The following YIPF6 variants were observed in gnomAD, a reference collection of about 807,000 sequenced individuals.
YIPF6 encodes protein YIPF6.
A neutral mutation model predicts 16.8 loss-of-function variants in YIPF6; 3 were observed. That is an observed-to-expected ratio of 0.18 (90% CI 0.08 to 0.46). YIPF6 has a LOEUF of 0.46. Among genes scored for constraint, YIPF6 ranks in the 20% least tolerant of loss-of-function variants. The pLI is 0.98. For synonymous variants in YIPF6, 67 were observed against 61.9 expected, an observed-to-expected ratio of 1.08 and a Z score of -0.38; for missense variants, 145 against 184.9, an observed-to-expected ratio of 0.78 and a Z score of 1.25.
rs147712825 is a variant in YIPF6 at position 68,505,880 on chromosome X, G to A, written c.58-5969G>A. ...AATGCTAACGTTGTACATAAGCATA[G>A]TACACTGATAAGAACCAAGAAATTA... On this transcript the variant is annotated intron_variant, in intron 1 of 6. Coordinates refer to ENST00000462683, the MANE Select transcript of YIPF6 (RefSeq NM_173834.4). Among the ~76,000 whole-genome samples, 832 of 111,738 alleles carry A rather than the reference G, an allele frequency of 7.4e-3. 2 individuals are homozygous for A. Among genetic ancestry groups the A allele is most frequent in the Non-Finnish European group, 0.011 (566 of 53,175 alleles).
chrX:68,508,697 TTCA>T (rs1290504410), intron 1 of YIPF6, among the ~76,000 whole-genome samples: 1 of 112,149 alleles, frequency 8.9e-6, no homozygotes. Flanking sequence ...TTTGCAGAAA[TTCA>T]TCATCATTCA....
intron 1 of YIPF6, among the ~76,000 whole-genome samples, chrX:68,501,077 C>T: frequency 8.9e-6 from 1 of 111,980 alleles, no homozygotes; most frequent in Non-Finnish European, 1.9e-5. Context: ...CAATCCGCTT[C>T]CATTCAACAA....
chrX:68,501,820 A>G (rs1289998977), intron 1 of YIPF6, among the ~76,000 whole-genome samples: 2 of 111,340 alleles, frequency 1.8e-5, no homozygotes, highest in Non-Finnish European at 3.8e-5. Flanking sequence ...GCAGTATGGA[A>G]CAGTGGTGGT....
At chrX:68,511,804 T>C in intron 1 of YIPF6, 45 bp from the exon 2 acceptor site, 2 of 1,164,868 alleles carry the variant, frequency 1.7e-6, no homozygotes, top group Non-Finnish European at 1.1e-6. Context: ...TGAGGAATGC[T>C]ACAGTTTATT....
intron 6 of YIPF6, among the ~76,000 whole-genome samples, chrX:68,527,731 T>G (rs2147826731): frequency 8.9e-6 from 1 of 112,056 alleles, no homozygotes; most frequent in East Asian, 2.8e-4. Context: ...GTTGTTTACC[T>G]AGTAGTCATT....
intron 1 of YIPF6, among the ~76,000 whole-genome samples, chrX:68,507,688 C>T (rs1020784281): frequency 6.4e-5 from 7 of 109,179 alleles, no homozygotes; most frequent in African/African-American, 1.7e-4. Context: ...CTGCAACCTC[C>T]GCCTCCTGAG....
At chrX:68,500,361 G>T (rs1477527205) in intron 1 of YIPF6, among the ~76,000 whole-genome samples, 1 of 109,385 alleles carries the variant, frequency 9.1e-6, no homozygotes, top group Non-Finnish European at 1.9e-5. Context: ...TGTCACCCAG[G>T]TTGGAGCACA....
At position 68,529,587 on chromosome X, in the gene YIPF6, T is replaced by C. The variant is rs747895270; in HGVS notation, c.593-2294T>C. On this transcript the variant is annotated intron_variant, in intron 6 of 6. Transcript: ENST00000462683. ...TTTGGAATTTTCGGCCTTTTTGTGC[T>C]GGTTTTTCCTCATCTTCATGGATTT... 1.0e-3 allele frequency among the ~76,000 whole-genome samples: 116 copies of C among 111,744 alleles called. 1 individual carries two copies. Among genetic ancestry groups the C allele is most frequent in the Non-Finnish European group, 9.0e-4 (48 of 53,171 alleles).
chrX:68,512,129 C>A (rs763804889), intron 2 of YIPF6, 152 bp downstream of exon 2: 2 of 660,555 alleles, frequency 3.0e-6, no homozygotes, highest in East Asian at 4.0e-5. Context: ...TTTGGTACAG[C>A]CTTTTTGGAG....
intron 4 of YIPF6, among the ~76,000 whole-genome samples, chrX:68,520,871 G>A (rs186890631): frequency 6.0e-4 from 67 of 111,605 alleles, no homozygotes; most frequent in African/African-American, 2.0e-3. Flanking sequence ...ATGTAGTAGT[G>A]ATATGGTGAC....
chrX:68,515,494 C>T (rs1044772210), intron 3 of YIPF6, among the ~76,000 whole-genome samples: 8 of 111,497 alleles, frequency 7.2e-5, no homozygotes, highest in Non-Finnish European at 1.3e-4. Context: ...ACACTTTGGT[C>T]TAGGCCTTCA....
intron 5 of YIPF6, 23 bp downstream of exon 5, chrX:68,521,520 C>CT (rs781663072): frequency 8.4e-7 from 1 of 1,195,406 alleles, no homozygotes; most frequent in South Asian, 1.8e-5. Context: ...AAAATGCATT[C>CT]TTTTTTTCCT....
At chrX:68,517,805 A>C (rs2079109216) in intron 3 of YIPF6, among the ~76,000 whole-genome samples, 1 of 107,371 alleles carries the variant, frequency 9.3e-6, no homozygotes, top group Non-Finnish European at 1.9e-5. Flanking sequence ...CCATCTGTAC[A>C]AAAAATAAAA....
intron 6 of YIPF6, among the ~76,000 whole-genome samples, chrX:68,529,831 T>C (rs2079164053): frequency 8.9e-6 from 1 of 111,829 alleles, no homozygotes; most frequent in South Asian, 3.7e-4. Context: ...GATTGCTGCC[T>C]GCTCCTTCCT....
Position 68,501,342 on chromosome X carries a change from T to A in YIPF6, c.57+2219T>A, listed in dbSNP as rs2079040503. Among the ~76,000 whole-genome samples, 4 of 112,239 alleles carry A rather than the reference T, an allele frequency of 3.6e-5. No individual in the cohort carries two copies. In the Admixed American group the frequency reaches 3.8e-4, roughly 11 times the overall value. ...ATTTGAAAGGACTTCAAAGGATGGG[T>A]AGGATTTGAAATTGCAAGTGAGTAT... On this transcript the variant is annotated intron_variant, in intron 1 of 6. Coordinates refer to ENST00000462683, the MANE Select transcript of YIPF6 (RefSeq NM_173834.4).
intron 6 of YIPF6, among the ~76,000 whole-genome samples, chrX:68,526,837 G>A (rs1367783764): frequency 8.9e-6 from 1 of 112,006 alleles, no homozygotes; most frequent in Non-Finnish European, 1.9e-5. Flanking sequence ...CTTGATCATG[G>A]TGGGTAAGCT....
In YIPF6 at chrX:68,536,498, A is replaced by G. The variant is rs1330029495; in HGVS notation, c.*4499A>G. The G allele has an allele frequency of 9.1e-6, 1 of 110,325 alleles. No individual in the cohort carries two copies. Among genetic ancestry groups the G allele is most frequent in the Non-Finnish European group, 1.9e-5 (1 of 52,843 alleles). The allele number at this position is 110,325 out of a possible 1,213,427, so 9.1% of individuals were successfully genotyped here. ...ATTTTTATGTACCTGAAATGAATAC[A>G]CCCCTCCCCCAAGGTATTTTCCCTA... On this transcript the variant is annotated 3_prime_UTR_variant, in exon 7 of 7. Coordinates refer to ENST00000462683, the MANE Select transcript of YIPF6 (RefSeq NM_173834.4).
chrX:68,505,826 G>A (rs890583766), intron 1 of YIPF6, among the ~76,000 whole-genome samples: 4 of 111,750 alleles, frequency 3.6e-5, no homozygotes, highest in East Asian at 2.8e-4. Flanking sequence ...TAGAGAGAGT[G>A]CCTGTATTCC....
chrX:68,505,826 G>T (rs890583766), intron 1 of YIPF6, among the ~76,000 whole-genome samples: 4 of 111,750 alleles, frequency 3.6e-5, no homozygotes, highest in Non-Finnish European at 3.8e-5. Context: ...TAGAGAGAGT[G>T]CCTGTATTCC....
Sources: allele counts gnomAD v4.1 joint callset (sites outside exome capture counted in the v4.1 genomes callset), GRCh38; gene constraint gnomAD v4.1.1; transcripts MANE v1.5; gene names NCBI Gene and HGNC (gene_info 2026-07-23, HGNC 2026-07-21).